The following ABCC2 variants were observed in gnomAD, a reference collection of about 807,000 sequenced individuals.
ABCC2 encodes the protein ATP binding cassette subfamily C member 2, also known as ATP-binding cassette sub-family C member 2.
Under a neutral mutation model 173.4 loss-of-function variants are expected in ABCC2, and 157 were observed. That is an observed-to-expected ratio of 0.91 (90% CI 0.80 to 1.03). The LOEUF (loss-of-function observed/expected upper bound fraction) is 1.03. ABCC2 is among the 50% of genes least tolerant of loss of function. The pLI, the probability that ABCC2 is intolerant of heterozygous loss-of-function variation, is 0.00. For missense variants in ABCC2, 1,822 were observed against 1,852.3 expected (o/e 0.98, Z 0.30); for synonymous variants, 657 against 693.5 (o/e 0.95, Z 0.83).
In ABCC2 at chr10:99,834,463, C is replaced by A; in HGVS notation, c.3342C>A (p.Val1114=). The A allele has an allele frequency of 6.2e-7, 1 of 1,614,164 alleles. No individual in the cohort carries two copies. The highest frequency in any genetic ancestry group is 1.1e-5 in the South Asian group (1 of 91,086). The change falls in exon 24 of 32, where the codon GTC becomes GTA. Residue 1114 remains valine (V), a synonymous_variant. Transcript: ENST00000647814. The stretch of plus-strand genomic sequence containing the variant: ...TCCTGGGGATAATCAGCACCCTTGT[C>A]ATGATCTGCATGGCCACTCCTGTCT... ...TCFLGIISTL[V]MICMATPVFT...
intron 26 of ABCC2, among the ~76,000 whole-genome samples, chr10:99,842,816 A>G (rs3780882): frequency 0.57 from 86,764 of 151,912 alleles, 25,264 homozygotes; most frequent in African/African-American, 0.69. Flanking sequence ...TTGGGAGGCC[A>G]AAGTGGGTGG....
chr10:99,814,162 C>CATAT (rs373245901), intron 16 of ABCC2, among the ~76,000 whole-genome samples: 1,573 of 26,586 alleles, frequency 0.059, 440 homozygotes, highest in Middle Eastern at 0.15. Context: ...TGTATACACA[C>CATAT]GTATATATAC....
Position 99,832,122 on chromosome 10 carries a change from G to A in ABCC2, c.3249G>A (p.Arg1083=). 1.2e-6 allele frequency: 2 copies of A among 1,614,154 alleles called. No homozygotes were observed. Among genetic ancestry groups the A allele is most frequent in the Non-Finnish European group, 1.7e-6 (2 of 1,180,014 alleles). The change falls in exon 23 of 32, where the codon AGG becomes AGA. Residue 1083 remains arginine (R), a synonymous_variant. Transcript: ENST00000647814. ...CACCCACAGGCCGGATTGTGAACAGGTTTGCCGGCGTAAGTATCTCAAGAA... is the reference window on the plus strand; with the variant it reads ...CACCCACAGGCCGGATTGTGAACAGATTTGCCGGCGTAAGTATCTCAAGAA... The part of the protein sequence containing the change: ...DTTPTGRIVN[R]FAGDISTVDD...
At chr10:99,792,645 G>T (rs953053270) in intron 3 of ABCC2, among the ~76,000 whole-genome samples, 10 of 152,294 alleles carry the variant, frequency 6.6e-5, no homozygotes, top group African/African-American at 2.4e-4. Flanking sequence ...ACAGAAGAGA[G>T]CTAAGTTTCT....
At chr10:99,824,287 T>C (rs77896588) in intron 19 of ABCC2, among the ~76,000 whole-genome samples, 85,790 of 134,530 alleles carry the variant, frequency 0.64, 27,969 homozygotes, top group East Asian at 0.77. Context: ...TTTCTTATTT[T>C]TATTTTTTGT....
intron 16 of ABCC2, among the ~76,000 whole-genome samples, chr10:99,814,365 A>ACACGTATGTATACACACG (rs1564684674): frequency 2.4e-5 from 2 of 84,796 alleles, no homozygotes; most frequent in African/African-American, 8.7e-5. Context: ...GTATACACAC[A>ACACGTATGTATACACACG]TGTATATATA....
intron 5 of ABCC2, 40 bp downstream of exon 5, chr10:99,794,039 T>C: frequency 2.6e-6 from 4 of 1,519,182 alleles, no homozygotes; most frequent in Non-Finnish European, 3.6e-6. Flanking sequence ...ATTACTTAAT[T>C]GGATGATATC....
Position 99,797,184 on chromosome 10 carries a change from C to G in ABCC2, c.720C>G (p.Ser240Arg). ...AGATGAAAACCAAGACATTAGTGAG[C>G]AAGTTTGAAACGCACATGAAGAGAG... Reference protein sequence around the residue: ...DEEMKTKTLVSKFETHMKREL... With the variant: ...DEEMKTKTLVRKFETHMKREL... The change falls in exon 7 of 32, where the codon AGC becomes AGG. Residue 240 changes from serine to arginine, a missense_variant. Physicochemically the swap from Ser to Arg is moderately radical, Grantham distance 110. Transcript: ENST00000647814. 1 of 1,614,132 alleles carries G rather than the reference C, an allele frequency of 6.2e-7. No homozygotes were observed. Among genetic ancestry groups the G allele is most frequent in the Non-Finnish European group, 8.5e-7 (1 of 1,180,014 alleles).
rs1370098693 is a variant in ABCC2, at chr10:99,797,230, G to T, written c.766G>T (p.Ala256Ser). The change falls in exon 7 of 32, where the codon GCA becomes TCA. Residue 256 changes from alanine to serine, a missense_variant. Physicochemically the swap from Ala to Ser is moderately conservative, Grantham distance 99 (BLOSUM62 1). Transcript: ENST00000647814. The part of the protein sequence containing the change: ...MKRELQKARR[A>S]LQRRQEKSSQ... ...GAGAGAGCTGCAGAAAGCCAGGCGGGCACTCCAGAGACGGCAGGAGAAGAG... is the reference window on the plus strand; with the variant it reads ...GAGAGAGCTGCAGAAAGCCAGGCGGTCACTCCAGAGACGGCAGGAGAAGAG... 1 of 1,614,136 alleles carries T rather than the reference G, an allele frequency of 6.2e-7. No individual in the cohort carries two copies. The highest frequency in any genetic ancestry group is 1.1e-5 in the South Asian group (1 of 91,080).
chr10:99,811,716 G>T lies in ABCC2; in HGVS notation c.1967+114G>T, dbSNP rs879192006. 62 of 1,207,398 alleles carry T rather than the reference G, an allele frequency of 5.1e-5. No homozygotes were observed. The South Asian group carries it at 7.4e-4, about 14-fold the overall frequency. The allele number at this position is 1,207,398 out of a possible 1,614,324, so 74.8% of individuals were successfully genotyped here. A position where few individuals can be genotyped will look rare whatever the true frequency, so the allele number is the denominator to read the frequency against. On this transcript the variant is annotated intron_variant, in intron 15 of 31. Coordinates refer to ENST00000647814, the MANE Select transcript of ABCC2 (RefSeq NM_000392.5). ...GGAAATGAGCTATGTGCATGTCTTC[G>T]GTTAGATACTAGTGCAGGATAAACC...
rs138187790 is a variant in ABCC2 at position 99,830,432 on chromosome 10, A to G, written c.2746A>G (p.Ser916Gly). 6.2e-6 allele frequency: 10 copies of G among 1,614,094 alleles called. No homozygotes were observed. The African/African-American group carries it at 1.2e-4, about 19-fold the overall frequency. ...ENSFRRTLSR[S>G]SRSNGRHLKS... ...CAGCTTTCGTCGAACACTTAGCCGC[A>G]GGTTGGCTATCTATTCAGCTGGCAG... The change falls in exon 20 of 32, where the codon AGT (serine) becomes GGT (glycine). Residue 916 changes from serine to glycine, a missense_variant and splice_region_variant. Physicochemically the swap from Ser to Gly is moderately conservative, Grantham distance 56 (BLOSUM62 0). Transcript: ENST00000647814.
chr10:99,844,371 G>A lies in ABCC2; in HGVS notation c.3893G>A (p.Gly1298Asp), dbSNP rs2038986330. The change falls in exon 28 of 32, where the codon GGC becomes GAC. Residue 1298 changes from glycine to aspartate, a missense_variant. By Grantham distance (94) the Gly-to-Asp change is moderately conservative. Coordinates refer to ENST00000647814, the MANE Select transcript of ABCC2 (RefSeq NM_000392.5). ...CCTCCGCCAGATTGGCCCAGCAAAG[G>A]CAAGATCCAGTTTAACAACTACCAA... ...KRPPPDWPSK[G>D]KIQFNNYQVR... 1 of 1,614,186 alleles carries A rather than the reference G, an allele frequency of 6.2e-7. No individual in the cohort carries two copies. Among genetic ancestry groups the A allele is most frequent in the Middle Eastern group, 1.6e-4 (1 of 6,062 alleles).
intron 29 of ABCC2, 114 bp downstream of exon 29, chr10:99,845,896 A>G (rs933795123): frequency 2.3e-5 from 27 of 1,180,600 alleles, no homozygotes; most frequent in Non-Finnish European, 3.0e-5. Flanking sequence ...TCCACGGTCT[A>G]CTCGGGATAC....
rs1351419381 is a variant in ABCC2 at position 99,793,565 on chromosome 10, G to GATCCA, written c.351_355dup (p.Tyr119SerfsTer34). ...TTTCTCTCCAGCTCCTGGTTTTGCTGATCCAATACAGCAGACAATGGTGTG... is the reference window on the plus strand; with the variant it reads ...TTTCTCTCCAGCTCCTGGTTTTGCTGATCCAATCCAATACAGCAGACAATGGTGTG... On this transcript the variant is annotated frameshift_variant, in exon 4 of 32. Coordinates refer to ENST00000647814, the MANE Select transcript of ABCC2 (RefSeq NM_000392.5). LOFTEE classifies it high-confidence loss of function. 1.9e-6 allele frequency: 3 copies of GATCCA among 1,614,070 alleles called. No homozygotes were observed. In the East Asian group the frequency reaches 6.7e-5, roughly 36 times the overall value.
At chr10:99,814,565 ATACACACACATATGTG>A (rs1429838266) in intron 16 of ABCC2, among the ~76,000 whole-genome samples, 20 of 119,032 alleles carry the variant, frequency 1.7e-4, no homozygotes, top group African/African-American at 5.5e-4. Context: ...ATATACACAT[ATACACACACATATGTG>A]TATATACACA....
At position 99,851,513 on chromosome 10, in the gene ABCC2, T is replaced by C. The variant is rs1383460004; in HGVS notation, c.4520T>C (p.Leu1507Pro). Residue 1507 changes from leucine to proline, a missense_variant, in exon 32 of 32, where the codon CTA becomes CCA. By Grantham distance (98) the Leu-to-Pro change is moderately conservative. Coordinates refer to ENST00000647814, the MANE Select transcript of ABCC2 (RefSeq NM_000392.5). ...TIMDSDKVMV[L>P]DNGKIIECGS... ...CTTCCTTGTTTCAGGGTAATGGTCC[T>C]AGACAACGGGAAGATTATAGAGTGC... 1.2e-6 allele frequency: 2 copies of C among 1,614,008 alleles called. No homozygotes were observed. The highest frequency in any genetic ancestry group is 1.7e-6 in the Non-Finnish European group (2 of 1,180,010).
intron 16 of ABCC2, among the ~76,000 whole-genome samples, chr10:99,814,758 C>CATATATGTGTATACATGTATAT (rs2133066284): frequency 7.6e-6 from 1 of 131,740 alleles, no homozygotes; most frequent in South Asian, 2.3e-4. Flanking sequence ...TGTATATACA[C>CATATATGTGTATACATGTATAT]ACACATATAT....
intron 2 of ABCC2, 133 bp downstream of exon 2, chr10:99,784,914 T>C (rs2037679880): frequency 1.7e-6 from 2 of 1,155,058 alleles, no homozygotes; most frequent in Non-Finnish European, 2.5e-6. Flanking sequence ...AGAGCCAGGC[T>C]CAAGGTTTCC....
intron 16 of ABCC2, among the ~76,000 whole-genome samples, chr10:99,814,892 C>T (rs984490409): frequency 6.6e-6 from 1 of 151,440 alleles, no homozygotes; most frequent in African/African-American, 2.4e-5. Context: ...CAACCTCCAC[C>T]TCCTGGGTTC....
Sources: allele counts gnomAD v4.1 joint callset (sites outside exome capture counted in the v4.1 genomes callset), GRCh38; gene constraint gnomAD v4.1.1; transcripts MANE v1.5; gene names NCBI Gene and HGNC (gene_info 2026-07-23, HGNC 2026-07-21).